FAM24B: variants seen among roughly 807,000 people sequenced by gnomAD.
FAM24B encodes the protein family with sequence similarity 24 member B, also known as protein FAM24B.
FAM24B carries 3 observed loss-of-function variants against 2.3 expected under a neutral mutation model. The ratio of observed to expected loss-of-function variants is 1.29; its 90% confidence interval spans 0.59 to 3.32. FAM24B has a LOEUF of 3.32. Ranked by LOEUF, FAM24B falls within the 30% of genes most tolerant of loss-of-function variation. FAM24B has a pLI of 0.03. For missense variants in FAM24B, 98 were observed against 117.2 expected, an observed-to-expected ratio of 0.84 and a Z score of 0.76; for synonymous variants, 36 against 46.3, an observed-to-expected ratio of 0.78 and a Z score of 0.90.
In FAM24B at chr10:122,849,213, G is replaced by A. The variant is rs759220661; in HGVS notation, c.*34C>T. The stretch of plus-strand genomic sequence containing the variant: ...ACAAAACAATCTACTAAGAAGTATT[G>A]CTCATGAAGATTTTTGTGCCCACCT... On this transcript the variant is annotated 3_prime_UTR_variant, in exon 4 of 4. Transcript: ENST00000368898. The A allele has an allele frequency of 2.0e-5, 29 of 1,464,390 alleles. No homozygotes were observed. The highest frequency in any genetic ancestry group is 2.6e-5 in the Non-Finnish European group (28 of 1,088,674). The allele number at this position is 1,464,390 out of a possible 1,614,324, so 90.7% of individuals were successfully genotyped here.
chr10:122,854,930 C>A (rs562576153), intron 2 of FAM24B, among the ~76,000 whole-genome samples: 1 of 152,346 alleles, frequency 6.6e-6, no homozygotes, highest in South Asian at 2.1e-4. Context: ...TCTCTGGTGA[C>A]AGAAGCATCC....
intron 1 of FAM24B, among the ~76,000 whole-genome samples, chr10:122,862,858 C>T (rs1847747652): frequency 6.6e-6 from 1 of 152,032 alleles, no homozygotes; most frequent in Admixed American, 6.6e-5. Flanking sequence ...TGGTATTTAG[C>T]TAAATGACTG....
chr10:122,853,720 T>C (rs1847587332), intron 2 of FAM24B, among the ~76,000 whole-genome samples: 1 of 152,114 alleles, frequency 6.6e-6, no homozygotes, highest in Admixed American at 6.5e-5. Context: ...TGAGACCCCA[T>C]CTCTACAAAA....
intron 1 of FAM24B, among the ~76,000 whole-genome samples, chr10:122,869,640 G>C (rs7076066): frequency 0.25 from 38,341 of 151,572 alleles, 5,174 homozygotes; most frequent in Non-Finnish European, 0.3. Flanking sequence ...TCACTCAAAA[G>C]CGCTCAACTA....
intron 1 of FAM24B, among the ~76,000 whole-genome samples, chr10:122,867,862 G>C (rs1358461510): frequency 6.6e-6 from 1 of 152,140 alleles, no homozygotes; most frequent in East Asian, 1.9e-4. Context: ...CGAAAAACCG[G>C]AAACTCTAAA....
At chr10:122,867,979 G>C (rs1847827546) in intron 1 of FAM24B, among the ~76,000 whole-genome samples, 1 of 152,154 alleles carries the variant, frequency 6.6e-6, no homozygotes, top group African/African-American at 2.4e-5. Flanking sequence ...GGCTTCAGAA[G>C]ATCAAACTAC....
In FAM24B at chr10:122,859,254, G is replaced by A. The variant is rs137996875; in HGVS notation, c.-177-3468C>T. 2.8e-3 allele frequency among the ~76,000 whole-genome samples: 429 copies of A among 152,328 alleles called. 1 individual carries two copies. The highest frequency in any genetic ancestry group is 0.01 in the African/African-American group (418 of 41,566). On this transcript the variant is annotated intron_variant, in intron 1 of 3. Transcript: ENST00000368898. ...CAAACAAAACACGTTGGATGACTGC[G>A]ATGTGAGTTGTGGGATAATCTGTTG...
At chr10:122,875,179 A>G (rs1425123726) in intron 1 of FAM24B, among the ~76,000 whole-genome samples, 1 of 152,112 alleles carries the variant, frequency 6.6e-6, no homozygotes, top group East Asian at 1.9e-4. Flanking sequence ...CAGTTCTTCA[A>G]GCTCATTTAT....
At chr10:122,860,470 T>C (rs1359560711) in intron 1 of FAM24B, among the ~76,000 whole-genome samples, 1 of 152,234 alleles carries the variant, frequency 6.6e-6, no homozygotes, top group Admixed American at 6.5e-5. Flanking sequence ...AAAAAGCTGC[T>C]ATAATACATC....
At chr10:122,860,222 G>A (rs1334543013) in intron 1 of FAM24B, among the ~76,000 whole-genome samples, 1 of 152,098 alleles carries the variant, frequency 6.6e-6, no homozygotes, top group Non-Finnish European at 1.5e-5. Context: ...CCACCACTTG[G>A]CAACCATGGA....
chr10:122,862,692 A>C (rs549171541), intron 1 of FAM24B, among the ~76,000 whole-genome samples: 4 of 152,292 alleles, frequency 2.6e-5, no homozygotes, highest in South Asian at 2.1e-4. Flanking sequence ...GGTTCATTAC[A>C]AACTGGGTTT....
chr10:122,856,197 T>G (rs899240009), intron 1 of FAM24B, among the ~76,000 whole-genome samples: 2 of 152,134 alleles, frequency 1.3e-5, no homozygotes, highest in Non-Finnish European at 2.9e-5. Flanking sequence ...CTCACATCTT[T>G]GCCATGGCAC....
intron 1 of FAM24B, among the ~76,000 whole-genome samples, chr10:122,866,727 G>A (rs910435332): frequency 6.6e-6 from 1 of 152,070 alleles, no homozygotes; most frequent in Non-Finnish European, 1.5e-5. Context: ...TCAACAAATT[G>A]TGTTCTGAGT....
At chr10:122,852,902 T>C (rs1847567327) in intron 2 of FAM24B, among the ~76,000 whole-genome samples, 1 of 152,150 alleles carries the variant, frequency 6.6e-6, no homozygotes, top group Admixed American at 6.5e-5. Context: ...TCTTGTTGAG[T>C]TGCCCATTTC....
At chr10:122,876,778 T>G (rs1423105742) in intron 1 of FAM24B, among the ~76,000 whole-genome samples, 1 of 152,244 alleles carries the variant, frequency 6.6e-6, no homozygotes, top group Non-Finnish European at 1.5e-5. Context: ...TCAGCTTTTT[T>G]CTTGTGAGGA....
Position 122,855,751 on chromosome 10 carries a change from C to A in FAM24B, c.-142G>T, listed in dbSNP as rs1847627745. On this transcript the variant is annotated 5_prime_UTR_variant, in exon 2 of 4. An upstream open reading frame in the 5' UTR gains an earlier in-frame stop. Transcript: ENST00000368898. ...TTGTCAGGCATCCTCCAGGGTCTTCCAACTGCAGCTTCCCATCTCACCACT... is the reference window on the plus strand; with the variant it reads ...TTGTCAGGCATCCTCCAGGGTCTTCAAACTGCAGCTTCCCATCTCACCACT... 6.6e-6 allele frequency: 1 copy of A among 152,262 alleles called. No individual in the cohort carries two copies. Among genetic ancestry groups the A allele is most frequent in the African/African-American group, 2.4e-5 (1 of 41,452 alleles). 9.4% of individuals were successfully genotyped at this position (152,262 alleles called of 1,614,324 possible).
intron 1 of FAM24B, among the ~76,000 whole-genome samples, chr10:122,869,564 C>A (rs1847857796): frequency 6.6e-6 from 1 of 152,110 alleles, no homozygotes; most frequent in African/African-American, 2.4e-5. Context: ...TGTAAAAGAA[C>A]AGAAATTATA....
intron 2 of FAM24B, among the ~76,000 whole-genome samples, chr10:122,854,872 C>A (rs1375304709): frequency 6.6e-6 from 1 of 151,994 alleles, no homozygotes; most frequent in African/African-American, 2.4e-5. Context: ...ACACCTGTGA[C>A]TAACCACTAA....
At chr10:122,862,669 A>G (rs1444534999) in intron 1 of FAM24B, among the ~76,000 whole-genome samples, 2 of 152,168 alleles carry the variant, frequency 1.3e-5, no homozygotes, top group African/African-American at 4.8e-5. Context: ...TGGAGATTAT[A>G]AAGAATAAGT....
Sources: allele counts gnomAD v4.1 joint callset (sites outside exome capture counted in the v4.1 genomes callset), GRCh38; gene constraint gnomAD v4.1.1; transcripts MANE v1.5; gene names NCBI Gene and HGNC (gene_info 2026-07-23, HGNC 2026-07-21).